ONECUT1: variants seen among roughly 807,000 people sequenced by gnomAD.
ONECUT1 encodes hepatocyte nuclear factor 6.
ONECUT1 carries 12 observed loss-of-function variants against 25.6 expected under a neutral mutation model. That is an observed-to-expected ratio of 0.47 (90% CI 0.30 to 0.76). ONECUT1 has a LOEUF of 0.76. ONECUT1 is among the 30% of genes least tolerant of loss of function. The pLI is 0.07. For missense variants in ONECUT1, 620 were observed against 651.2 expected (o/e 0.95, Z 0.52); for synonymous variants, 285 against 270.2 (o/e 1.05, Z -0.54).
intron 1 of ONECUT1, among the ~76,000 whole-genome samples, chr15:52,775,943 G>T (rs977795250): frequency 5.9e-5 from 9 of 152,190 alleles, no homozygotes; most frequent in Non-Finnish European, 1.3e-4. Context: ...CATTACTGGG[G>T]AGTTACTTTT....
intron 1 of ONECUT1, among the ~76,000 whole-genome samples, chr15:52,761,398 C>T (rs2083705211): frequency 6.6e-6 from 1 of 152,192 alleles, no homozygotes; most frequent in Non-Finnish European, 1.5e-5. Flanking sequence ...GGGCCAGGCA[C>T]AGTTTCTCAC....
At chr15:52,764,672 G>A (rs1222254531) in intron 1 of ONECUT1, among the ~76,000 whole-genome samples, 1 of 152,196 alleles carries the variant, frequency 6.6e-6, no homozygotes, top group African/African-American at 2.4e-5. Context: ...GAGCAGTAAA[G>A]GGGAAAGGCT....
rs545932069 is a variant in ONECUT1 at position 52,778,931 on chromosome 15, T to C, written c.1105+9849A>G. Among the ~76,000 whole-genome samples the C allele has an allele frequency of 1.2e-3, 183 of 151,964 alleles. 3 individuals carry two copies. Among genetic ancestry groups the C allele is most frequent in the South Asian group, 5.0e-3 (24 of 4,812 alleles). On this transcript the variant is annotated intron_variant, in intron 1 of 1. Coordinates refer to ENST00000305901, the MANE Select transcript of ONECUT1 (RefSeq NM_004498.4). ...AAAGGTTAAATTACTTGACAATGTC[T>C]AAGAGCTAATTACTACAGAAATCTT...
Position 52,789,337 on chromosome 15 carries a change from G to C in ONECUT1, c.548C>G (p.Ser183Cys). ...AGMGQSLSPL[S>C]SSGLGSIHNS... is the part of the protein sequence containing the mutation. The stretch of plus-strand genomic sequence containing the variant: ...GTGGATGCTGCCCAGACCGGAGCTG[G>C]AGAGGGGCGAGAGGCTCTGGCCCAT... Residue 183 changes from serine to cysteine, a missense_variant, in exon 1 of 2, where the codon TCC becomes TGC. Physicochemically the swap from Ser to Cys is moderately radical, Grantham distance 112 (BLOSUM62 -1). Coordinates refer to ENST00000305901, the MANE Select transcript of ONECUT1 (RefSeq NM_004498.4). The surrounding 1 kb of genome is among the most constrained non-coding windows in gnomAD (Gnocchi z 4.1). 1 of 1,592,386 alleles carries C rather than the reference G, an allele frequency of 6.3e-7. No homozygotes were observed. The highest frequency in any genetic ancestry group is 8.6e-7 in the Non-Finnish European group (1 of 1,167,128).
At position 52,789,021 on chromosome 15, in the gene ONECUT1, C is replaced by T. The variant is rs767793834; in HGVS notation, c.864G>A (p.Gln288=). 11 of 1,607,932 alleles carry T rather than the reference C, an allele frequency of 6.8e-6. No homozygotes were observed. In the South Asian group the frequency reaches 1.1e-4, roughly 16 times the overall value. The part of the protein sequence containing the change: ...AQVSNGSNSG[Q]MEEINTKEVA... ...CCTCTTTGGTATTGATCTCTTCCAT[C>T]TGCCCTGAATTACTTCCATTGCTGA... The change falls in exon 1 of 2, where the codon CAG becomes CAA. Residue 288 remains glutamine, a synonymous_variant. Coordinates refer to ENST00000305901, the MANE Select transcript of ONECUT1 (RefSeq NM_004498.4). This position sits in a 1 kb window ranked among gnomAD's most constrained non-coding sequence, Gnocchi z 4.1.
intron 1 of ONECUT1, among the ~76,000 whole-genome samples, chr15:52,765,434 G>A (rs567632339): frequency 1.8e-4 from 27 of 152,292 alleles, no homozygotes; most frequent in African/African-American, 6.5e-4. Context: ...CTGTGGCAAA[G>A]GACAAGAGGT....
rs1462681604 is a variant in ONECUT1 at position 52,789,885 on chromosome 15, C to T, written c.-1G>A. 6.5e-7 allele frequency: 1 copy of T among 1,532,592 alleles called. No individual in the cohort carries two copies. Among genetic ancestry groups the T allele is most frequent in the Admixed American group, 2.0e-5 (1 of 50,268 alleles). The allele number at this position is 1,532,592 out of a possible 1,614,324, so 94.9% of individuals were successfully genotyped here. A position where few individuals can be genotyped will look rare whatever the true frequency, so the allele number is the denominator to read the frequency against. The stretch of plus-strand genomic sequence containing the variant: ...CTTCCATGGTCAGCTGCGCGTTCAT[C>T]GTGATCCGGGCGAGCAGGCGGCGGA... On this transcript the variant is annotated 5_prime_UTR_variant, in exon 1 of 2. Coordinates refer to ENST00000305901, the MANE Select transcript of ONECUT1 (RefSeq NM_004498.4). This position sits in a 1 kb window ranked among gnomAD's most constrained non-coding sequence, Gnocchi z 4.1.
At chr15:52,765,056 C>T (rs1435169599) in intron 1 of ONECUT1, among the ~76,000 whole-genome samples, 2 of 152,222 alleles carry the variant, frequency 1.3e-5, no homozygotes, top group East Asian at 3.9e-4. Flanking sequence ...CCTGCAAACC[C>T]TGCTCAGGAG....
At chr15:52,786,567 C>T (rs925721262) in intron 1 of ONECUT1, among the ~76,000 whole-genome samples, 1 of 152,248 alleles carries the variant, frequency 6.6e-6, no homozygotes, top group Admixed American at 6.5e-5. Flanking sequence ...CTTCGATAGC[C>T]TCCTGGGTGC....
chr15:52,760,414 T>C (rs764668279), intron 1 of ONECUT1, among the ~76,000 whole-genome samples: 5 of 152,226 alleles, frequency 3.3e-5, no homozygotes, highest in Non-Finnish European at 5.9e-5. Context: ...ATTCATTGAC[T>C]TAAAAATGAA....
chr15:52,774,350 G>T (rs1027115905), intron 1 of ONECUT1, among the ~76,000 whole-genome samples: 2 of 151,290 alleles, frequency 1.3e-5, no homozygotes, highest in Non-Finnish European at 1.5e-5. Context: ...GCCCAAGCTG[G>T]AGTGCAATGG....
In ONECUT1 at chr15:52,755,282, G is replaced by A. The variant is rs1485884724; in HGVS notation, c.*2273C>T. On this transcript the variant is annotated 3_prime_UTR_variant, in exon 2 of 2. Coordinates refer to ENST00000305901, the MANE Select transcript of ONECUT1 (RefSeq NM_004498.4). ...CTCCATCCCTGGAGAGAGAGAAAATGTTAATCAGTTTTTTCCTTTTTGTTT... is the reference window on the plus strand; with the variant it reads ...CTCCATCCCTGGAGAGAGAGAAAATATTAATCAGTTTTTTCCTTTTTGTTT... Among the ~76,000 whole-genome samples the A allele has an allele frequency of 1.3e-5, 2 of 152,118 alleles. No homozygotes were observed. The highest frequency in any genetic ancestry group is 2.9e-5 in the Non-Finnish European group (2 of 68,010).
chr15:52,784,086 G>T lies in ONECUT1; in HGVS notation c.1105+4694C>A, dbSNP rs555254129. 3.3e-5 allele frequency among the ~76,000 whole-genome samples: 5 copies of T among 152,334 alleles called. No homozygotes were observed. The East Asian group carries it at 7.7e-4, about 23-fold the overall frequency. On this transcript the variant is annotated intron_variant, in intron 1 of 1. Transcript: ENST00000305901. This position sits in a 1 kb window ranked among gnomAD's most constrained non-coding sequence, Gnocchi z 5.0. Reference sequence around the variant, plus strand: ...GCGGGTCGCCCAGCCCCGACGGCCCGCAGGGGGCGCGCGCCGCAGCCGCAG... The same window carrying T: ...GCGGGTCGCCCAGCCCCGACGGCCCTCAGGGGGCGCGCGCCGCAGCCGCAG...
At position 52,789,042 on chromosome 15, in the gene ONECUT1, G is replaced by A. The variant is rs1249235559; in HGVS notation, c.843C>T (p.Ser281=). Residue 281 remains serine (S), a synonymous_variant, in exon 1 of 2, where the codon AGC becomes AGT. Coordinates refer to ENST00000305901, the MANE Select transcript of ONECUT1 (RefSeq NM_004498.4). The surrounding 1 kb of genome is among the most constrained non-coding windows in gnomAD (Gnocchi z 4.1). ...CCATCTGCCCTGAATTACTTCCATT[G>A]CTGACCTGCGCGCCGGTCACCGAAG... ...PNPSVTGAQV[S]NGSNSGQMEE... The A allele has an allele frequency of 1.2e-6, 2 of 1,604,172 alleles. No homozygotes were observed. The highest frequency in any genetic ancestry group is 1.7e-6 in the Non-Finnish European group (2 of 1,179,986).
rs748944152 is a variant in ONECUT1, at chr15:52,789,722, T to G, written c.163A>C (p.Met55Leu). The change falls in exon 1 of 2, where the codon ATG (methionine) becomes CTG (leucine). Residue 55 changes from methionine to leucine, a missense_variant. Physicochemically the swap from Met to Leu is conservative, Grantham distance 15. This residue lies in a region of ONECUT1 where 440 missense variants were observed against 404.9 expected (regional missense o/e 1.09). Transcript: ENST00000305901. The surrounding 1 kb of genome is among the most constrained non-coding windows in gnomAD (Gnocchi z 4.1). ...LPPAHPRSMG[M>L]ASLLDGGSGG... ...CTGCCGCCGTCCAGCAGGGACGCCA[T>G]GCCCATGGAGCGCGGGTGCGCGGGG... 4 of 1,454,926 alleles carry G rather than the reference T, an allele frequency of 2.7e-6. No homozygotes were observed. The highest frequency in any genetic ancestry group is 3.6e-6 in the Non-Finnish European group (4 of 1,112,522). The allele number at this position is 1,454,926 out of a possible 1,614,324, so 90.1% of individuals were successfully genotyped here.
At chr15:52,774,431 G>A (rs1227203214) in intron 1 of ONECUT1, among the ~76,000 whole-genome samples, 1 of 152,100 alleles carries the variant, frequency 6.6e-6, no homozygotes, top group East Asian at 1.9e-4. Context: ...CTCCCAAATA[G>A]CTGGGACTAC....
rs539282217 is a variant in ONECUT1, at chr15:52,773,216, G to A, written c.1106-15369C>T. ...TACAGGATTGAGCAAATGAGTAAAT[G>A]TGTGTGTGAGAGAGACAGAGAGAGA... On this transcript the variant is annotated intron_variant, in intron 1 of 1. Coordinates refer to ENST00000305901, the MANE Select transcript of ONECUT1 (RefSeq NM_004498.4). Among the ~76,000 whole-genome samples, 121 of 144,548 alleles carry A rather than the reference G, an allele frequency of 8.4e-4. 1 individual carries two copies. Among genetic ancestry groups the A allele is most frequent in the Non-Finnish European group, 1.5e-3 (99 of 65,798 alleles). The allele number at this position is 144,548 out of a possible 152,430, so 94.8% of individuals were successfully genotyped here.
At chr15:52,766,235 CT>C (rs76480336) in intron 1 of ONECUT1, among the ~76,000 whole-genome samples, 37,880 of 142,960 alleles carry the variant, frequency 0.26, 6,104 homozygotes, top group East Asian at 0.53. Context: ...GGTATTCTTC[CT>C]TTTTTTTTTT....
At chr15:52,773,522 G>T (rs1360449120) in intron 1 of ONECUT1, among the ~76,000 whole-genome samples, 2 of 152,166 alleles carry the variant, frequency 1.3e-5, no homozygotes, top group African/African-American at 4.8e-5. Flanking sequence ...TCCTGGCTTT[G>T]TCTGAGAGGG....
Sources: gnomAD v4.1 joint callset for allele counts (sites outside exome capture counted in the v4.1 genomes callset) on GRCh38, gnomAD v4.1.1 for gene constraint, gnomAD v4.1.1 regional missense constraint, Gnocchi (gnomAD v3.1) non-coding constraint, MANE v1.5 for transcripts, NCBI Gene and HGNC (gene_info 2026-07-23, HGNC 2026-07-21) for gene names.